Variants in FBXO4 observed in about 807,000 individuals in gnomAD.
FBXO4 encodes the protein F-box protein 4.
FBXO4 carries 36 observed loss-of-function variants against 43.7 expected under a neutral mutation model. That is an observed-to-expected ratio of 0.82 (90% CI 0.63 to 1.09). FBXO4 has a LOEUF of 1.09. FBXO4 is among the 50% of genes least tolerant of loss of function. The probability of loss-of-function intolerance (pLI) is 0.00; values close to 1 mark genes in which losing one functional copy is unlikely to be tolerated. For synonymous variants in FBXO4, 180 were observed against 165.6 expected (o/e 1.09, Z -0.67); for missense variants, 435 against 474.1 (o/e 0.92, Z 0.77).
the FBXO4 span, among the ~76,000 whole-genome samples, chr5:41,974,507 TTAC>T: frequency 3.2e-3 from 493 of 152,294 alleles, 3 homozygotes; most frequent in African/African-American, 0.011. Context: ...ATTTTTAAGT[TTAC>T]TAATTCTTTT....
At chr5:41,959,473 T>C in the FBXO4 span, among the ~76,000 whole-genome samples, 1 of 152,196 alleles carries the variant, frequency 6.6e-6, no homozygotes, top group African/African-American at 2.4e-5. Context: ...ATAAATGCCA[T>C]GGAGCTTTCC....
chr5:42,001,852 AT>A, the FBXO4 span, among the ~76,000 whole-genome samples: 18 of 148,290 alleles, frequency 1.2e-4, no homozygotes, highest in South Asian at 2.2e-4. Flanking sequence ...TGGCTGGCTA[AT>A]TTTTTTTTTG....
chr5:42,004,365 G>A, the FBXO4 span, among the ~76,000 whole-genome samples: 1 of 152,164 alleles, frequency 6.6e-6, no homozygotes, highest in Non-Finnish European at 1.5e-5. Context: ...ATGTGTGAGA[G>A]AAAGTGGGTA....
chr5:41,927,269 A>T, intron 2 of FBXO4, 21 bp downstream of exon 2: 1 of 1,511,606 alleles, frequency 6.6e-7, no homozygotes, highest in Non-Finnish European at 8.9e-7. Flanking sequence ...AGTTTTATGA[A>T]TTAAAAAGAA....
the FBXO4 span, among the ~76,000 whole-genome samples, chr5:42,001,344 C>T: frequency 5.3e-5 from 8 of 152,118 alleles, no homozygotes; most frequent in African/African-American, 1.7e-4. Flanking sequence ...ATTCTCCTCT[C>T]TCACCTTCCT....
chr5:42,001,970 C>G, the FBXO4 span, among the ~76,000 whole-genome samples: 1 of 152,198 alleles, frequency 6.6e-6, no homozygotes, highest in Non-Finnish European at 1.5e-5. Flanking sequence ...GTGCTGATAA[C>G]AGGCGTGAGC....
chr5:42,039,524 T>G, the FBXO4 span, among the ~76,000 whole-genome samples: 2 of 152,054 alleles, frequency 1.3e-5, no homozygotes, highest in African/African-American at 4.8e-5. Flanking sequence ...TGTTCTTCCC[T>G]TAAATATCCA....
chr5:41,939,375 T>G, intron 5 of FBXO4, 66 bp from the exon 6 acceptor site: 1 of 1,410,292 alleles, frequency 7.1e-7, no homozygotes. Context: ...TGTTAGTTTT[T>G]TATTTTATTA....
the FBXO4 span, among the ~76,000 whole-genome samples, chr5:41,964,984 C>T: frequency 6.6e-6 from 1 of 152,036 alleles, no homozygotes; most frequent in East Asian, 1.9e-4. Context: ...ATGGTATTGC[C>T]TAGGTTTTCT....
chr5:41,952,032 C>G, the FBXO4 span: 1 of 261,612 alleles, frequency 3.8e-6, no homozygotes, highest in Non-Finnish European at 7.4e-6. Flanking sequence ...CCTCTAGGTC[C>G]TCTTCAGATT....
At chr5:41,978,678 A>T in the FBXO4 span, among the ~76,000 whole-genome samples, 1 of 152,206 alleles carries the variant, frequency 6.6e-6, no homozygotes, top group South Asian at 2.1e-4. Flanking sequence ...TCTCATATAT[A>T]ATCTGTAGAC....
the FBXO4 span, among the ~76,000 whole-genome samples, chr5:41,981,810 A>C: frequency 6.8e-6 from 1 of 147,772 alleles, no homozygotes; most frequent in Non-Finnish European, 1.5e-5. Flanking sequence ...CAGGTTTGTT[A>C]CTTATGTATA....
chr5:41,999,812 C>T, the FBXO4 span, among the ~76,000 whole-genome samples: 5 of 151,704 alleles, frequency 3.3e-5, no homozygotes, highest in African/African-American at 1.2e-4. Context: ...AGATGCTGCC[C>T]ACACAGATTA....
chr5:41,932,625 G>A (rs1476653908), intron 3 of FBXO4, among the ~76,000 whole-genome samples: 1 of 152,206 alleles, frequency 6.6e-6, no homozygotes, highest in Non-Finnish European at 1.5e-5. Context: ...TTGTAGAGAA[G>A]ACAATTAGAT....
chr5:41,939,611 T>C lies in FBXO4; in HGVS notation c.1069T>C (p.Trp357Arg). ...ELHLNLLNHP[W>R]LVQDTEAETL... ...GCATCTGAATCTTCTAAATCACCCA[T>C]GGCTGGTAAGATCATTTATACTCTA... is the stretch of plus-strand genomic sequence containing the variant. The change falls in exon 6 of 7, where the codon TGG becomes CGG. Residue 357 changes from tryptophan (W) to arginine (R), a missense_variant. Trp to Arg is a moderately radical substitution (Grantham distance 101). Transcript: ENST00000281623. 6.2e-7 allele frequency: 1 copy of C among 1,611,060 alleles called. No individual in the cohort carries two copies. The highest frequency in any genetic ancestry group is 8.5e-7 in the Non-Finnish European group (1 of 1,178,592).
chr5:41,926,113 G>T (rs1751489643), intron 1 of FBXO4, among the ~76,000 whole-genome samples: 1 of 152,170 alleles, frequency 6.6e-6, no homozygotes, highest in Admixed American at 6.5e-5. Context: ...TAAATGAAGA[G>T]AACAAAAATT....
the FBXO4 span, among the ~76,000 whole-genome samples, chr5:42,010,652 G>A: frequency 6.6e-6 from 1 of 152,108 alleles, no homozygotes; most frequent in Non-Finnish European, 1.5e-5. Flanking sequence ...ATGGTGCTAT[G>A]AACAAGGGGG....
the FBXO4 span, among the ~76,000 whole-genome samples, chr5:41,956,714 T>G: frequency 1.4e-4 from 20 of 143,478 alleles, no homozygotes; most frequent in African/African-American, 4.7e-4. Flanking sequence ...TTCTTCTTCT[T>G]TTTTTTTTTT....
chr5:41,991,898 G>A, the FBXO4 span, among the ~76,000 whole-genome samples: 1 of 152,132 alleles, frequency 6.6e-6, no homozygotes, highest in Non-Finnish European at 1.5e-5. Flanking sequence ...GACCAACATG[G>A]AGAAACCCCG....
Sources: allele counts gnomAD v4.1 joint callset (sites outside exome capture counted in the v4.1 genomes callset), GRCh38; gene constraint gnomAD v4.1.1; transcripts MANE v1.5; gene names NCBI Gene and HGNC (gene_info 2026-07-23, HGNC 2026-07-21).